GRM1: variants seen among roughly 807,000 people sequenced by gnomAD.
The protein encoded by GRM1 is glutamate metabotropic receptor 1.
Under a neutral mutation model 90.9 loss-of-function variants are expected in GRM1, and 33 were observed. The ratio of observed to expected loss-of-function variants is 0.36; its 90% CI spans 0.28 to 0.49. GRM1 has a LOEUF of 0.49. Among genes scored for constraint, GRM1 ranks in the 20% least tolerant of loss-of-function variants. The pLI is 0.99. For missense variants in GRM1, 1,190 were observed against 1,534.3 expected (o/e 0.78, Z 3.75); for synonymous variants, 700 against 613.2 (o/e 1.14, Z -2.09).
At chr6:146,197,154 G>T (rs1473257904) in intron 2 of GRM1, among the ~76,000 whole-genome samples, 1 of 152,330 alleles carries the variant, frequency 6.6e-6, no homozygotes, top group Non-Finnish European at 1.5e-5. Flanking sequence ...GTGGGAAATA[G>T]CAGGAACCAG....
At chr6:146,254,268 T>C (rs1043262273) in intron 2 of GRM1, among the ~76,000 whole-genome samples, 1 of 152,142 alleles carries the variant, frequency 6.6e-6, no homozygotes, top group African/African-American at 2.4e-5. Context: ...TTATGTGACC[T>C]GCTTGAGACT....
intron 5 of GRM1, among the ~76,000 whole-genome samples, chr6:146,372,651 G>A (rs945972214): frequency 1.4e-5 from 2 of 144,844 alleles, no homozygotes; most frequent in Non-Finnish European, 2.9e-5. Flanking sequence ...GGGAGAGGTA[G>A]GGGTCTAGTT....
chr6:146,117,394 T>G (rs1775791868), intron 1 of GRM1, among the ~76,000 whole-genome samples: 1 of 151,998 alleles, frequency 6.6e-6, no homozygotes, highest in African/African-American at 2.4e-5. Context: ...CATCTAACTC[T>G]TCATTTCTTA....
rs961060093 is a variant in GRM1, at chr6:146,386,978, C to T, written c.1691C>T (p.Ala564Val). 9.9e-6 allele frequency: 16 copies of T among 1,612,926 alleles called. No individual in the cohort carries two copies. Among genetic ancestry groups the T allele is most frequent in the African/African-American group, 1.3e-5 (1 of 74,856 alleles). Residue 564 changes from alanine (A) to valine (V), a missense_variant, in exon 6 of 8, where the codon GCT becomes GTT. By Grantham distance (64) the Ala-to-Val change is moderately conservative. Around this residue, in one of 10 missense-constraint regions of GRM1, gnomAD observed 414 missense variants for 598.4 expected, o/e 0.69. Coordinates refer to ENST00000282753, the MANE Select transcript of GRM1 (RefSeq NM_001278064.2). ...EYVQDEFTCKACDLGWWPNAD... is the reference protein window; with the variant it reads ...EYVQDEFTCKVCDLGWWPNAD... ...GTGCAAGATGAGTTCACCTGCAAAG[C>T]TTGTGACTTGGGATGGTGGCCCAAT...
At chr6:146,096,391 C>G (rs1314638047) in intron 1 of GRM1, among the ~76,000 whole-genome samples, 1 of 152,068 alleles carries the variant, frequency 6.6e-6, no homozygotes, top group East Asian at 1.9e-4. Flanking sequence ...AAGGGACTTG[C>G]TAAAGGTCAC....
chr6:146,168,619 C>T (rs745409123), intron 2 of GRM1, among the ~76,000 whole-genome samples: 1 of 151,940 alleles, frequency 6.6e-6, no homozygotes, highest in East Asian at 1.9e-4. Flanking sequence ...TTTCGTTTAA[C>T]ATCACTTGTG....
At chr6:146,151,422 C>T (rs890173953) in intron 1 of GRM1, among the ~76,000 whole-genome samples, 2 of 152,130 alleles carry the variant, frequency 1.3e-5, no homozygotes, top group African/African-American at 4.8e-5. Context: ...TACATGATGG[C>T]TGAAATGTTA....
At chr6:146,400,384 T>A (rs1240626175) in intron 7 of GRM1, among the ~76,000 whole-genome samples, 1 of 151,954 alleles carries the variant, frequency 6.6e-6, no homozygotes, top group South Asian at 2.1e-4. Context: ...AATAGTTTCT[T>A]AGTCATAAAG....
intron 1 of GRM1, among the ~76,000 whole-genome samples, chr6:146,067,850 A>G (rs1486525358): frequency 4.6e-5 from 7 of 152,212 alleles, no homozygotes; most frequent in African/African-American, 1.7e-4. Context: ...AAACCTGATA[A>G]GTTTATATTG....
At position 146,314,051 on chromosome 6, in the gene GRM1, CTTTTTTTTTTTTTTTTTT is replaced by C. The variant is rs552986343; in HGVS notation, c.1186+9220_1186+9237del. On this transcript the variant is annotated intron_variant, in intron 3 of 7. Transcript: ENST00000282753. ...CACTGTATATATCAATAGTTAATTCCTTTTTTTTTTTTTTTTTTTTTTTTTTTTTTTTGGAGACAGAGT... is the reference window on the plus strand; with the variant it reads ...CACTGTATATATCAATAGTTAATTCCTTTTTTTTTTTTTTGGAGACAGAGT... 9.7e-5 allele frequency among the ~76,000 whole-genome samples: 6 copies of C among 61,960 alleles called. 1 individual carries two copies. The Admixed American group carries it at 1.4e-3, about 15-fold the overall frequency. 40.6% of individuals were successfully genotyped at this position (61,960 alleles called of 152,430 possible).
chr6:146,297,308 G>A (rs201681914), intron 2 of GRM1, among the ~76,000 whole-genome samples: 72 of 151,880 alleles, frequency 4.7e-4, no homozygotes, highest in African/African-American at 1.7e-3. Flanking sequence ...CTACAGGCGC[G>A]TGCCACCATG....
intron 1 of GRM1, among the ~76,000 whole-genome samples, chr6:146,141,559 G>T (rs927314853): frequency 5.3e-5 from 8 of 151,840 alleles, no homozygotes; most frequent in Admixed American, 3.3e-4. Context: ...GATCTTCTAG[G>T]CATGCTTCAT....
intron 2 of GRM1, among the ~76,000 whole-genome samples, chr6:146,238,082 T>A (rs551879450): frequency 6.6e-6 from 1 of 152,274 alleles, no homozygotes. Context: ...TATGTTGTTT[T>A]TGCTGGAGTG....
chr6:146,405,433 C>A (rs7755078), intron 7 of GRM1, among the ~76,000 whole-genome samples: 40,794 of 152,070 alleles, frequency 0.27, 6,578 homozygotes, highest in Non-Finnish European at 0.36. Context: ...ATTATGGAAA[C>A]CAAGGAGACC....
At chr6:146,377,900 G>A (rs750764852) in intron 5 of GRM1, among the ~76,000 whole-genome samples, 1 of 152,202 alleles carries the variant, frequency 6.6e-6, no homozygotes, top group Non-Finnish European at 1.5e-5. Context: ...CTGGTGTTGG[G>A]TTTGTGGTTG....
At chr6:146,292,072 A>C (rs1268935631) in intron 2 of GRM1, among the ~76,000 whole-genome samples, 2 of 151,982 alleles carry the variant, frequency 1.3e-5, no homozygotes, top group Non-Finnish European at 2.9e-5. Context: ...GTCTCAACAA[A>C]TATTTCTGAG....
At chr6:146,388,556 CT>C (rs1352440584) in intron 6 of GRM1, among the ~76,000 whole-genome samples, 1 of 152,044 alleles carries the variant, frequency 6.6e-6, no homozygotes, top group African/African-American at 2.4e-5. Context: ...CAGCAGAAAG[CT>C]TTTGTAAGTC....
At chr6:146,366,105 G>A (rs1191533821) in intron 5 of GRM1, among the ~76,000 whole-genome samples, 2 of 152,172 alleles carry the variant, frequency 1.3e-5, no homozygotes, top group African/African-American at 4.8e-5. Flanking sequence ...TACAGTGCCT[G>A]ACACATTGCA....
intron 1 of GRM1, among the ~76,000 whole-genome samples, chr6:146,137,315 T>C (rs1439421177): frequency 6.6e-6 from 1 of 152,196 alleles, no homozygotes; most frequent in Non-Finnish European, 1.5e-5. Context: ...GATTTAACTC[T>C]TTAGTCTATT....
Sources: gnomAD v4.1 joint callset for allele counts (sites outside exome capture counted in the v4.1 genomes callset) on GRCh38, gnomAD v4.1.1 for gene constraint, gnomAD v4.1.1 regional missense constraint, MANE v1.5 for transcripts, NCBI Gene and HGNC (gene_info 2026-07-23, HGNC 2026-07-21) for gene names.